The following CLCC1 variants were observed in gnomAD, a reference collection of about 807,000 sequenced individuals.
The protein encoded by CLCC1 is chloride channel CLIC like 1.
Under a neutral mutation model 63.3 loss-of-function variants are expected in CLCC1, and 39 were observed. That is an observed-to-expected ratio of 0.62 (90% CI 0.48 to 0.81). The LOEUF is 0.81. Among genes scored for constraint, CLCC1 ranks in the 30% least tolerant of loss-of-function variants. CLCC1 has a pLI of 0.00. For synonymous variants in CLCC1, 217 were observed against 239.8 expected (o/e 0.90, Z 0.88); for missense variants, 549 against 669.4 (o/e 0.82, Z 1.98).
chr1:108,931,296 T>C lies in CLCC1; in HGVS notation c.*1251A>G. 6.5e-7 allele frequency: 1 copy of C among 1,531,422 alleles called. No homozygotes were observed. Among genetic ancestry groups the C allele is most frequent in the Admixed American group, 2.1e-5 (1 of 47,492 alleles). The allele number at this position is 1,531,422 out of a possible 1,614,324, so 94.9% of individuals were successfully genotyped here. On this transcript the variant is annotated 3_prime_UTR_variant, in exon 13 of 13. Coordinates refer to ENST00000369969, the MANE Select transcript of CLCC1 (RefSeq NM_001377458.1). ...TAGAACCTTAGTTGTCATTAAGCTT[T>C]GTCTTCCTTATCCCAGATATTGAAG...
chr1:108,955,676 C>CTA (rs1655793928), intron 2 of CLCC1, among the ~76,000 whole-genome samples: 1 of 151,458 alleles, frequency 6.6e-6, no homozygotes, highest in Non-Finnish European at 1.5e-5. Flanking sequence ...AAGATCCACC[C>CTA]TCTGTAGGGG....
intron 2 of CLCC1, among the ~76,000 whole-genome samples, chr1:108,961,870 AG>A (rs1364968556): frequency 6.6e-6 from 1 of 152,154 alleles, no homozygotes; most frequent in Non-Finnish European, 1.5e-5. Flanking sequence ...AAAAAAAAAA[AG>A]TAGCTAATAT....
intron 2 of CLCC1, among the ~76,000 whole-genome samples, chr1:108,950,804 T>C (rs983244485): frequency 6.6e-6 from 1 of 152,136 alleles, no homozygotes; most frequent in East Asian, 1.9e-4. Context: ...CATGAGCCAT[T>C]GCACCCAGCC....
intron 1 of CLCC1, 51 bp downstream of exon 1, chr1:108,963,310 C>G: frequency 1.5e-6 from 1 of 683,766 alleles, no homozygotes; most frequent in Non-Finnish European, 2.7e-6. Flanking sequence ...GGCGTAACGG[C>G]GGGTAACCCG....
At chr1:108,954,066 C>T (rs1655550520) in intron 2 of CLCC1, among the ~76,000 whole-genome samples, 1 of 149,072 alleles carries the variant, frequency 6.7e-6, no homozygotes, top group African/African-American at 2.5e-5. Context: ...GGAAAGACTG[C>T]ACAGGAATGG....
intron 2 of CLCC1, among the ~76,000 whole-genome samples, chr1:108,952,912 G>A (rs1049519461): frequency 2.6e-5 from 4 of 151,990 alleles, no homozygotes; most frequent in African/African-American, 9.7e-5. Flanking sequence ...TGCATAAACA[G>A]TCAAATAATT....
chr1:108,947,621 T>C lies in CLCC1; in HGVS notation c.329A>G (p.Lys110Arg), dbSNP rs1654708295. The change falls in exon 5 of 13, where the codon AAG (lysine) becomes AGG (arginine). Residue 110 changes from lysine to arginine, a missense_variant. Physicochemically the swap from Lys to Arg is conservative, Grantham distance 26. Coordinates refer to ENST00000369969, the MANE Select transcript of CLCC1 (RefSeq NM_001377458.1). ...CCATCAAATACTCACAAGTCCAAGC[T>C]TTCCAGCTTCAATTAAAATCTTATT... is the stretch of plus-strand genomic sequence containing the variant. ...YLNKILIEAGKLGLPDENKGD... is the reference protein window; with the variant it reads ...YLNKILIEAGRLGLPDENKGD... The C allele has an allele frequency of 1.9e-6, 3 of 1,603,698 alleles. No homozygotes were observed. The highest frequency in any genetic ancestry group is 1.7e-4 in the Middle Eastern group (1 of 6,044).
chr1:108,943,028 G>C (rs1017889591), intron 7 of CLCC1, among the ~76,000 whole-genome samples: 4 of 152,022 alleles, frequency 2.6e-5, no homozygotes, highest in African/African-American at 9.7e-5. Context: ...TCCTGCCTCA[G>C]CCTGCTGAGT....
chr1:108,943,323 A>T, intron 7 of CLCC1, 152 bp downstream of exon 7: 10 of 734,574 alleles, frequency 1.4e-5, no homozygotes. Context: ...CTGTCAGCTA[A>T]GAAGTGTCCA....
At chr1:108,952,989 C>T (rs1191608964) in intron 2 of CLCC1, among the ~76,000 whole-genome samples, 1 of 152,022 alleles carries the variant, frequency 6.6e-6, no homozygotes, top group African/African-American at 2.4e-5. Flanking sequence ...AATTCAGTTC[C>T]TCATTCCCCC....
In CLCC1 at chr1:108,949,865, A is replaced by G. The variant is rs764030865; in HGVS notation, c.186T>C (p.Asp62=). The change falls in exon 4 of 13, where the codon GAT becomes GAC. Residue 62 remains aspartate (D), a synonymous_variant. Coordinates refer to ENST00000369969, the MANE Select transcript of CLCC1 (RefSeq NM_001377458.1). ...KDVSPDLSCA[D]EISECYHKLD... ...GTTTGTGATAACATTCTGATATTTC[A>G]TCAGCACATGACAAGTCAGGACTGA... 11 of 1,597,888 alleles carry G rather than the reference A, an allele frequency of 6.9e-6. No individual in the cohort carries two copies.
chr1:108,944,871 C>T (rs182994583), intron 5 of CLCC1, among the ~76,000 whole-genome samples: 122 of 152,242 alleles, frequency 8.0e-4, no homozygotes, highest in South Asian at 2.1e-3. Context: ...CCTCATGATC[C>T]GCCCGCCATG....
Position 108,949,486 on chromosome 1 carries a change from G to A in CLCC1, c.231+334C>T, listed in dbSNP as rs182595739. Among the ~76,000 whole-genome samples, 21 of 152,274 alleles carry A rather than the reference G, an allele frequency of 1.4e-4. No homozygotes were observed. In the East Asian group the frequency reaches 3.9e-3, roughly 28 times the overall value. On this transcript the variant is annotated intron_variant, in intron 4 of 12. Transcript: ENST00000369969. The stretch of plus-strand genomic sequence containing the variant: ...CATTTCTTCATTTGCTACATTTGTT[G>A]AGAGTTTACTATGCCTCAGCCCTGT...
chr1:108,939,968 C>A, intron 9 of CLCC1, 77 bp downstream of exon 9: 2 of 1,327,416 alleles, frequency 1.5e-6, no homozygotes, highest in Non-Finnish European at 1.1e-6. Context: ...AGCAAAATGA[C>A]TCAAACACTA....
intron 2 of CLCC1, among the ~76,000 whole-genome samples, chr1:108,959,604 CTT>C (rs1188535166): frequency 2.0e-5 from 3 of 152,128 alleles, no homozygotes; most frequent in Admixed American, 6.5e-5. Flanking sequence ...ATAAATTAAA[CTT>C]TAGCAGAGGA....
At chr1:108,957,941 G>C (rs1477004207) in intron 2 of CLCC1, among the ~76,000 whole-genome samples, 1 of 151,424 alleles carries the variant, frequency 6.6e-6, no homozygotes, top group African/African-American at 2.5e-5. Flanking sequence ...GGATCAGAAA[G>C]AAGAGGAGGA....
rs1306099043 is a variant in CLCC1 at position 108,954,647 on chromosome 1, A to C, written c.-11-4199T>G. Among the ~76,000 whole-genome samples, 6 of 151,426 alleles carry C rather than the reference A, an allele frequency of 4.0e-5. 1 individual carries two copies. Among genetic ancestry groups the C allele is most frequent in the African/African-American group, 1.5e-4 (6 of 40,736 alleles). On this transcript the variant is annotated intron_variant, in intron 2 of 12. Transcript: ENST00000369969. ...GTGGCAAGAAAACCAGAAAGAACAC[A>C]TGTGGCACACTCTGAAGATCAATTC...
intron 2 of CLCC1, among the ~76,000 whole-genome samples, chr1:108,960,221 T>C (rs1388840018): frequency 2.0e-5 from 3 of 152,180 alleles, no homozygotes; most frequent in Non-Finnish European, 2.9e-5. Flanking sequence ...CTGTATACTT[T>C]ATTGGAAAAA....
chr1:108,949,806 A>T lies in CLCC1; in HGVS notation c.231+14T>A, dbSNP rs748602461. ...TAATATAAAAATATAAAATTTATCA[A>T]TAAAAAAACTAACCTTATAAGTTAA... On this transcript the variant is annotated intron_variant, in intron 4 of 12. Transcript: ENST00000369969. 8 of 1,350,764 alleles carry T rather than the reference A, an allele frequency of 5.9e-6. No individual in the cohort carries two copies. The highest frequency in any genetic ancestry group is 4.0e-4 in the Middle Eastern group (2 of 5,000). The allele number at this position is 1,350,764 out of a possible 1,614,324, so 83.7% of individuals were successfully genotyped here.
Sources: allele counts gnomAD v4.1 joint callset (sites outside exome capture counted in the v4.1 genomes callset), GRCh38; gene constraint gnomAD v4.1.1; transcripts MANE v1.5; gene names NCBI Gene and HGNC (gene_info 2026-07-23, HGNC 2026-07-21).